Variants in CLCN1 observed in about 807,000 individuals in gnomAD.
CLCN1 encodes the protein chloride channel protein 1.
A neutral mutation model predicts 114.5 loss-of-function variants in CLCN1; 100 were observed. The observed-to-expected ratio is 0.87, with a 90% CI of 0.74 to 1.03. The LOEUF (loss-of-function observed/expected upper bound fraction) is 1.03, where lower values mean the gene tolerates loss of function less well. Among genes scored for constraint, CLCN1 ranks in the 50% least tolerant of loss-of-function variants. The pLI, the probability that CLCN1 is intolerant of heterozygous loss-of-function variation, is 0.00. For synonymous variants in CLCN1, 485 were observed against 487.1 expected (o/e 1.00, Z 0.06); for missense variants, 1,188 against 1,250.0 (o/e 0.95, Z 0.75).
Position 143,339,156 on chromosome 7 carries a change from G to A in CLCN1, c.1402-97G>A, listed in dbSNP as rs1390358198. 9 of 869,616 alleles carry A rather than the reference G, an allele frequency of 1.0e-5. No homozygotes were observed. The highest frequency in any genetic ancestry group is 3.3e-5 in the African/African-American group (2 of 60,518). 53.9% of individuals were successfully genotyped at this position (869,616 alleles called of 1,614,324 possible). The stretch of plus-strand genomic sequence containing the variant: ...ACTTTCAGAAGGATCAGCTATCCCA[G>A]GATTTCTGCAGAAAGGAGGATAGTG... On this transcript the variant is annotated intron_variant, in intron 12 of 22. Transcript: ENST00000343257. This position sits in a 1 kb window ranked among gnomAD's most constrained non-coding sequence, Gnocchi z 4.1.
At position 143,343,538 on chromosome 7, in the gene CLCN1, T is replaced by C. The variant is rs529870424; in HGVS notation, c.1930+1033T>C. Reference sequence around the variant, plus strand: ...TCTAGTATTGGTTTTGTGTTACAAATATATTTTAGTGACTAGCTGAATTCA... The same window carrying C: ...TCTAGTATTGGTTTTGTGTTACAAACATATTTTAGTGACTAGCTGAATTCA... On this transcript the variant is annotated intron_variant, in intron 16 of 22. Transcript: ENST00000343257. Among the ~76,000 whole-genome samples the C allele has an allele frequency of 3.3e-5, 5 of 152,336 alleles. No homozygotes were observed. The East Asian group carries it at 9.6e-4, about 29-fold the overall frequency.
At position 143,350,041 on chromosome 7, in the gene CLCN1, T is replaced by C. The variant is rs1036875134; in HGVS notation, c.2404-331T>C. Among the ~76,000 whole-genome samples, 4 of 152,064 alleles carry C rather than the reference T, an allele frequency of 2.6e-5. No homozygotes were observed. The highest frequency in any genetic ancestry group is 4.4e-5 in the Non-Finnish European group (3 of 68,008). On this transcript the variant is annotated intron_variant, in intron 20 of 22. Coordinates refer to ENST00000343257, the MANE Select transcript of CLCN1 (RefSeq NM_000083.3). This position sits in a 1 kb window ranked among gnomAD's most constrained non-coding sequence, Gnocchi z 5.1. ...GGTTTGATTGGAGCCCCACGTCTTA[T>C]AGTAGTAGTGGAAAATAGATGGGAA...
intron 12 of CLCN1, among the ~76,000 whole-genome samples, chr7:143,333,837 G>T (rs538696341): frequency 3.2e-4 from 48 of 152,252 alleles, no homozygotes; most frequent in Admixed American, 2.5e-3. Context: ...GCCCATCAAG[G>T]ATTATGTATT....
Position 143,350,619 on chromosome 7 carries a change from A to G in CLCN1, c.2560A>G (p.Met854Val), listed in dbSNP as rs1387717995. 2 of 1,614,130 alleles carry G rather than the reference A, an allele frequency of 1.2e-6. No individual in the cohort carries two copies. The highest frequency in any genetic ancestry group is 1.1e-5 in the South Asian group (1 of 91,074). ...LGLHLAYVTS[M>V]GKLRGVLALE... ...CCTCCACCTCGCTTACGTGACCAGC[A>G]TGGGGAAGCTCAGGGGCGTCCTGGC... is the stretch of plus-strand genomic sequence containing the variant. The change falls in exon 22 of 23, where the codon ATG becomes GTG. Residue 854 changes from methionine (M) to valine (V), a missense_variant. Coordinates refer to ENST00000343257, the MANE Select transcript of CLCN1 (RefSeq NM_000083.3). The surrounding 1 kb of genome is among the most constrained non-coding windows in gnomAD (Gnocchi z 5.1).
At chr7:143,337,213 G>A (rs142917661) in intron 12 of CLCN1, among the ~76,000 whole-genome samples, 9 of 152,224 alleles carry the variant, frequency 5.9e-5, no homozygotes, top group East Asian at 3.9e-4. Context: ...GCCCATCTTC[G>A]TTCTTTCCTT....
At chr7:143,344,248 T>G (rs1586513255) in intron 16 of CLCN1, among the ~76,000 whole-genome samples, 1 of 152,228 alleles carries the variant, frequency 6.6e-6, no homozygotes, top group East Asian at 1.9e-4. Flanking sequence ...GATTTCTTAT[T>G]GTGGTTTATA....
intron 20 of CLCN1, among the ~76,000 whole-genome samples, chr7:143,349,237 G>A (rs1414558995): frequency 2.6e-5 from 4 of 152,184 alleles, no homozygotes; most frequent in African/African-American, 9.7e-5. Context: ...CTGCTAAGTG[G>A]TCATCCATCC....
rs139897394 is a variant in CLCN1, at chr7:143,329,217, C to T, written c.854-1555C>T. On this transcript the variant is annotated intron_variant, in intron 7 of 22. Coordinates refer to ENST00000343257, the MANE Select transcript of CLCN1 (RefSeq NM_000083.3). ...TCCTGACTTCATGATCCCCCTGCCTCGGCCTCCCAAAGTGCTGGGATTACA... is the reference window on the plus strand; with the variant it reads ...TCCTGACTTCATGATCCCCCTGCCTTGGCCTCCCAAAGTGCTGGGATTACA... Among the ~76,000 whole-genome samples, 15 of 152,292 alleles carry T rather than the reference C, an allele frequency of 9.8e-5. No homozygotes were observed. The East Asian group carries it at 1.7e-3, about 18-fold the overall frequency.
intron 11 of CLCN1, 70 bp downstream of exon 11, chr7:143,332,573 G>A (rs1303094624): frequency 2.0e-6 from 3 of 1,524,982 alleles, no homozygotes; most frequent in South Asian, 1.1e-5. Context: ...CAGAGCATAA[G>A]TAGTTTTGTC....
intron 1 of CLCN1, 95 bp from the exon 2 acceptor site, chr7:143,319,657 CTGT>C: frequency 4.5e-6 from 6 of 1,319,456 alleles, no homozygotes; most frequent in Non-Finnish European, 6.5e-6. Context: ...ATTCAAAAAG[CTGT>C]TGTTCTTTTC....
At position 143,339,999 on chromosome 7, in the gene CLCN1, G is replaced by A. The variant is rs1051290715; in HGVS notation, c.1582+378G>A. ...TGAGACGTGTTGATATTGATGGGTA[G>A]TTAAGAGCACAGGACTAAGAGCTAA... On this transcript the variant is annotated intron_variant, in intron 14 of 22. Coordinates refer to ENST00000343257, the MANE Select transcript of CLCN1 (RefSeq NM_000083.3). The surrounding 1 kb of genome is among the most constrained non-coding windows in gnomAD (Gnocchi z 4.1). 6.6e-6 allele frequency among the ~76,000 whole-genome samples: 1 copy of A among 152,186 alleles called. No individual in the cohort carries two copies. Among genetic ancestry groups the A allele is most frequent in the Non-Finnish European group, 1.5e-5 (1 of 68,032 alleles).
intron 5 of CLCN1, 106 bp from the exon 6 acceptor site, chr7:143,323,203 C>T: frequency 2.7e-6 from 2 of 753,796 alleles, no homozygotes; most frequent in South Asian, 2.8e-5. Context: ...CCCGTATTTC[C>T]AGCCCCTGGC....
At position 143,345,615 on chromosome 7, in the gene CLCN1, A is replaced by G. The variant is rs1803214172; in HGVS notation, c.2025A>G (p.Gln675=). The part of the protein sequence containing the change: ...LCPERRLRAA[Q]EMARKLSELP... ...CTGAGCGCAGGCTGCGCGCAGCCCA[A>G]GAGATGGCGCGGAAGTTGTCGGAGC... The change falls in exon 17 of 23, where the codon CAA becomes CAG. Residue 675 remains glutamine (Q), a synonymous_variant. Transcript: ENST00000343257. 1.3e-6 allele frequency: 2 copies of G among 1,558,880 alleles called. No individual in the cohort carries two copies. The highest frequency in any genetic ancestry group is 1.7e-6 in the Non-Finnish European group (2 of 1,151,832).
At chr7:143,345,436 C>T (rs2116382935) in intron 16 of CLCN1, 85 bp from the exon 17 acceptor site, 1 of 1,442,982 alleles carries the variant, frequency 6.9e-7, no homozygotes, top group Non-Finnish European at 9.2e-7. Context: ...GGTGGCGCCT[C>T]TCCTGTTCCT....
chr7:143,345,665 T>G lies in CLCN1; in HGVS notation c.2075T>G (p.Leu692Arg). The G allele has an allele frequency of 6.4e-7, 1 of 1,564,850 alleles. No homozygotes were observed. Among genetic ancestry groups the G allele is most frequent in the Non-Finnish European group, 8.7e-7 (1 of 1,155,576 alleles). Reference protein sequence around the residue: ...SELPYDGKARLAGEGLPGAPP... With the variant: ...SELPYDGKARRAGEGLPGAPP... ...CTGCCTTACGACGGGAAGGCGCGGCTGGCTGGGGAGGGGCTCCCCGGCGCG... is the reference window on the plus strand; with the variant it reads ...CTGCCTTACGACGGGAAGGCGCGGCGGGCTGGGGAGGGGCTCCCCGGCGCG... The change falls in exon 17 of 23, where the codon CTG becomes CGG. Residue 692 changes from leucine to arginine, a missense_variant. Physicochemically the swap from Leu to Arg is moderately radical, Grantham distance 102. Coordinates refer to ENST00000343257, the MANE Select transcript of CLCN1 (RefSeq NM_000083.3).
At position 143,319,868 on chromosome 7, in the gene CLCN1, A is replaced by C. The variant is rs1276263559; in HGVS notation, c.294A>C (p.Lys98Asn). ...GCAAGGATGAGGATCACTATTCTAA[A>C]TGTCAAGGTGATGGGGACTGAGGAA... ...VDSKDEDHYS[K>N]CQDCIHRLGQ... Residue 98 changes from lysine to asparagine, a missense_variant, in exon 2 of 23, where the codon AAA (lysine) becomes AAC (asparagine). Transcript: ENST00000343257. The C allele has an allele frequency of 1.9e-6, 3 of 1,613,876 alleles. No homozygotes were observed. The highest frequency in any genetic ancestry group is 3.3e-5 in the Admixed American group (2 of 60,016).
chr7:143,345,480 G>T (rs1052006207), intron 16 of CLCN1, 41 bp from the exon 17 acceptor site: 7 of 1,498,862 alleles, frequency 4.7e-6, no homozygotes, highest in South Asian at 1.3e-5. Context: ...GTGCGAGAGG[G>T]CTTGGAGGGG....
chr7:143,337,061 C>A (rs927684432), intron 12 of CLCN1, among the ~76,000 whole-genome samples: 3 of 152,188 alleles, frequency 2.0e-5, no homozygotes, highest in Non-Finnish European at 4.4e-5. Flanking sequence ...TATCTGCAGA[C>A]AATCTGATGT....
intron 12 of CLCN1, among the ~76,000 whole-genome samples, chr7:143,335,560 A>G (rs558425216): frequency 5.3e-5 from 8 of 152,140 alleles, no homozygotes; most frequent in African/African-American, 1.7e-4. Context: ...AAATATAAAC[A>G]TGACTGAAAC....
Sources: gnomAD v4.1 joint callset for allele counts (sites outside exome capture counted in the v4.1 genomes callset) on GRCh38, gnomAD v4.1.1 for gene constraint, Gnocchi (gnomAD v3.1) non-coding constraint, MANE v1.5 for transcripts, NCBI Gene and HGNC (gene_info 2026-07-23, HGNC 2026-07-21) for gene names.